ADGRV1: variants seen among roughly 807,000 people sequenced by gnomAD.
ADGRV1 encodes the protein G-protein coupled receptor 98.
ADGRV1 carries 359 observed loss-of-function variants against 596.2 expected under a neutral mutation model. The observed-to-expected ratio is 0.60, with a 90% confidence interval of 0.55 to 0.66. The LOEUF is 0.66. Ranked by LOEUF, ADGRV1 falls within the 30% of genes least tolerant of loss-of-function variation. The probability of loss-of-function intolerance (pLI) is 0.00; values close to 1 mark genes in which losing one functional copy is unlikely to be tolerated. For missense variants in ADGRV1, 7,274 were observed against 7,575.6 expected (o/e 0.96, Z 1.48); for synonymous variants, 2,681 against 2,679.2 (o/e 1.00, Z -0.02).
chr5:90,647,018 C>A (rs1203266229), intron 16 of ADGRV1, among the ~76,000 whole-genome samples: 1 of 152,032 alleles, frequency 6.6e-6, no homozygotes, highest in African/African-American at 2.4e-5. Flanking sequence ...GTGATCTGCC[C>A]GCCTTGGCCT....
In ADGRV1 at chr5:90,757,130, C is replaced by T; in HGVS notation, c.11909C>T (p.Ser3970Phe). The change falls in exon 57 of 90, where the codon TCT becomes TTT. Residue 3970 changes from serine (S) to phenylalanine (F), a missense_variant. Ser to Phe is a radical substitution (Grantham distance 155). Around this residue, in one of 5 missense-constraint regions of ADGRV1, gnomAD observed 3,643 missense variants for 3,809.2 expected, o/e 0.96. Transcript: ENST00000405460. ...GCTGGCCTGGAAGACTTTAAACCATCTCATGGGATTCTTGAATTTGCAGAT... is the reference window on the plus strand; with the variant it reads ...GCTGGCCTGGAAGACTTTAAACCATTTCATGGGATTCTTGAATTTGCAGAT... ...DSAGLEDFKP[S>F]HGILEFADKQ... 2 of 1,613,902 alleles carry T rather than the reference C, an allele frequency of 1.2e-6. No individual in the cohort carries two copies. The highest frequency in any genetic ancestry group is 1.7e-6 in the Non-Finnish European group (2 of 1,179,824).
At chr5:90,626,373 A>G (rs1243023774) in intron 6 of ADGRV1, 1 of 152,192 alleles carries the variant, frequency 6.6e-6, no homozygotes, top group Admixed American at 6.5e-5. Context: ...TAATTTGGGG[A>G]GATGATTAAT....
At chr5:90,986,873 G>A (rs894677187) in intron 85 of ADGRV1, among the ~76,000 whole-genome samples, 1 of 152,094 alleles carries the variant, frequency 6.6e-6, no homozygotes, top group African/African-American at 2.4e-5. Context: ...AGCAAGCCGT[G>A]GTGGCTAGCA....
At chr5:90,889,610 T>A (rs1770619239) in intron 83 of ADGRV1, among the ~76,000 whole-genome samples, 1 of 152,142 alleles carries the variant, frequency 6.6e-6, no homozygotes, top group Non-Finnish European at 1.5e-5. Flanking sequence ...TTTTCCTCAT[T>A]TTTTCACCTT....
chr5:90,644,258 C>T (rs1039309653), intron 14 of ADGRV1, among the ~76,000 whole-genome samples: 3 of 152,106 alleles, frequency 2.0e-5, no homozygotes, highest in African/African-American at 7.2e-5. Flanking sequence ...ATCCAAATAG[C>T]GAGAACCTTA....
intron 78 of ADGRV1, among the ~76,000 whole-genome samples, chr5:90,842,203 T>A (rs1015331137): frequency 1.4e-4 from 21 of 152,226 alleles, no homozygotes; most frequent in African/African-American, 5.1e-4. Flanking sequence ...TGGTTAAGAA[T>A]CAACACTTAT....
intron 84 of ADGRV1, among the ~76,000 whole-genome samples, chr5:90,968,588 A>G (rs1427027517): frequency 6.6e-6 from 1 of 152,224 alleles, no homozygotes; most frequent in African/African-American, 2.4e-5. Flanking sequence ...TTTGACCACA[A>G]GGGAAAAAGT....
chr5:90,737,738 G>T (rs139599477), intron 50 of ADGRV1, among the ~76,000 whole-genome samples: 1 of 151,818 alleles, frequency 6.6e-6, no homozygotes, highest in Non-Finnish European at 1.5e-5. Context: ...CCTGATATAA[G>T]TATATCTACC....
rs1361759833 is a variant in ADGRV1 at position 90,777,992 on chromosome 5, AG to A, written c.12617del (p.Gly4206GlufsTer3). 1.2e-6 allele frequency: 2 copies of A among 1,603,582 alleles called. No homozygotes were observed. The highest frequency in any genetic ancestry group is 1.7e-6 in the Non-Finnish European group (2 of 1,174,452). On this transcript the variant is annotated frameshift_variant, in exon 62 of 90. Coordinates refer to ENST00000405460, the MANE Select transcript of ADGRV1 (RefSeq NM_032119.4). LOFTEE classifies it high-confidence loss of function. ...CCGTGGGGGAATTTGCTGAAACATC[AG>A]GAAAACTGACAATGCGAGACGAACA... ...PSVGEFAETS[G>X]KLTMRDEQSA...
intron 76 of ADGRV1, among the ~76,000 whole-genome samples, chr5:90,828,193 A>C (rs1041330095): frequency 2.6e-5 from 4 of 152,212 alleles, no homozygotes; most frequent in African/African-American, 9.6e-5. Context: ...CCAGCAGACT[A>C]TATTTAGACT....
chr5:90,602,755 G>A (rs1225372479), intron 1 of ADGRV1, among the ~76,000 whole-genome samples: 1 of 152,244 alleles, frequency 6.6e-6, no homozygotes, highest in African/African-American at 2.4e-5. Context: ...GGAATAAAGT[G>A]TTGACTTTAA....
chr5:90,627,869 G>T, intron 7 of ADGRV1, 93 bp downstream of exon 7: 1 of 679,726 alleles, frequency 1.5e-6, no homozygotes, highest in South Asian at 3.0e-5. Context: ...TGAACTGTTA[G>T]AATATGTGTC....
chr5:91,074,241 A>C (rs1788649240), intron 86 of ADGRV1, among the ~76,000 whole-genome samples: 1 of 152,156 alleles, frequency 6.6e-6, no homozygotes, highest in African/African-American at 2.4e-5. Context: ...ATGTCACCTC[A>C]TGGGGGTTTG....
chr5:91,096,002 C>G (rs1178126894), intron 86 of ADGRV1, among the ~76,000 whole-genome samples: 1 of 150,616 alleles, frequency 6.6e-6, no homozygotes, highest in Non-Finnish European at 1.5e-5. Context: ...TCAGGTGATC[C>G]CCCCACCTCA....
At chr5:90,661,993 C>A (rs879478716) in intron 21 of ADGRV1, among the ~76,000 whole-genome samples, 1 of 151,958 alleles carries the variant, frequency 6.6e-6, no homozygotes, top group East Asian at 1.9e-4. Flanking sequence ...GACTCAGGAC[C>A]CCATTCCTGG....
chr5:91,079,354 T>G (rs184967208), intron 86 of ADGRV1, among the ~76,000 whole-genome samples: 2 of 152,226 alleles, frequency 1.3e-5, no homozygotes, highest in South Asian at 4.1e-4. Context: ...AAATCCCACA[T>G]GTTAAAAACA....
chr5:91,143,003 C>A (rs141154391), intron 87 of ADGRV1, among the ~76,000 whole-genome samples: 1 of 152,212 alleles, frequency 6.6e-6, no homozygotes, highest in East Asian at 1.9e-4. Context: ...AGTGGAGTGG[C>A]GAGGGGTGTG....
At chr5:90,576,063 T>C (rs563163762) in intron 1 of ADGRV1, among the ~76,000 whole-genome samples, 1 of 152,266 alleles carries the variant, frequency 6.6e-6, no homozygotes, top group African/African-American at 2.4e-5. Flanking sequence ...CCATGCGCAA[T>C]TCAGACAAGA....
chr5:90,791,609 C>T (rs1760087345), intron 70 of ADGRV1: 1 of 433,122 alleles, frequency 2.3e-6, no homozygotes, highest in Non-Finnish European at 4.2e-6. Context: ...GGAAATGTTT[C>T]CAGTGGTGTG....
Sources: allele counts gnomAD v4.1 joint callset (sites outside exome capture counted in the v4.1 genomes callset), GRCh38; gene constraint gnomAD v4.1.1; regional missense constraint gnomAD v4.1.1; transcripts MANE v1.5; gene names NCBI Gene and HGNC (gene_info 2026-07-23, HGNC 2026-07-21).